The following GRM7 variants were observed in gnomAD, a reference collection of about 807,000 sequenced individuals.
GRM7 encodes glutamate metabotropic receptor 7.
In GRM7, 35 loss-of-function variants were observed where a neutral mutation model predicts 84.5. The ratio of observed to expected loss-of-function variants is 0.41; its 90% confidence interval spans 0.32 to 0.55. GRM7 has a LOEUF of 0.55. GRM7 is among the 20% of genes least tolerant of loss of function. GRM7 has a pLI of 0.19. For synonymous variants in GRM7, 487 were observed against 455.1 expected (o/e 1.07, Z -0.89); for missense variants, 1,003 against 1,194.6 (o/e 0.84, Z 2.36).
intron 1 of GRM7, among the ~76,000 whole-genome samples, chr3:6,874,444 A>T (rs916394508): frequency 6.6e-6 from 1 of 152,120 alleles, no homozygotes; most frequent in Non-Finnish European, 1.5e-5. Context: ...CACCATCATC[A>T]TTGCCATCCT....
At chr3:7,412,867 G>A (rs1443466644) in intron 4 of GRM7, among the ~76,000 whole-genome samples, 1 of 151,762 alleles carries the variant, frequency 6.6e-6, no homozygotes, top group Non-Finnish European at 1.5e-5. Flanking sequence ...TCTGGCCTTG[G>A]TGCCTTGGTT....
chr3:7,469,091 G>A (rs185023175), intron 7 of GRM7, among the ~76,000 whole-genome samples: 44 of 152,230 alleles, frequency 2.9e-4, no homozygotes, highest in African/African-American at 1.1e-3. Context: ...AATATTAAAA[G>A]GATAACTAGG....
chr3:6,963,733 T>A (rs1693392310), intron 1 of GRM7, among the ~76,000 whole-genome samples: 1 of 152,204 alleles, frequency 6.6e-6, no homozygotes, highest in Non-Finnish European at 1.5e-5. Flanking sequence ...ATTGGTAACA[T>A]TTTATTCCTT....
chr3:7,621,379 T>G (rs956678911), intron 8 of GRM7, among the ~76,000 whole-genome samples: 4 of 152,088 alleles, frequency 2.6e-5, no homozygotes, highest in African/African-American at 9.7e-5. Context: ...TGTGATATAT[T>G]AGTAGCAACA....
In GRM7 at chr3:7,325,692, G is replaced by T. The variant is rs137917905; in HGVS notation, c.1033+19040G>T. Reference sequence around the variant, plus strand: ...AAATGGTGTTGACATAACCATTCTGGTCAAAGGTAATTCATTTCAGAACAG... The same window carrying T: ...AAATGGTGTTGACATAACCATTCTGTTCAAAGGTAATTCATTTCAGAACAG... On this transcript the variant is annotated intron_variant, in intron 4 of 9. Coordinates refer to ENST00000357716, the MANE Select transcript of GRM7 (RefSeq NM_000844.4). 7.9e-5 allele frequency among the ~76,000 whole-genome samples: 12 copies of T among 152,210 alleles called. No individual in the cohort carries two copies. In the East Asian group the frequency reaches 2.3e-3, roughly 29 times the overall value.
chr3:7,313,073 C>T (rs112864731), intron 4 of GRM7, among the ~76,000 whole-genome samples: 44 of 151,930 alleles, frequency 2.9e-4, no homozygotes, highest in African/African-American at 7.7e-4. Context: ...GGATTACAGG[C>T]GCCTGCCACC....
chr3:7,464,227 A>G lies in GRM7; in HGVS notation c.1515+2505A>G, dbSNP rs79960950. Among the ~76,000 whole-genome samples, 868 of 137,664 alleles carry G rather than the reference A, an allele frequency of 6.3e-3. 8 individuals are homozygous for G. Among genetic ancestry groups the G allele is most frequent in the African/African-American group, 0.021 (818 of 38,892 alleles). The allele number at this position is 137,664 out of a possible 152,430, so 90.3% of individuals were successfully genotyped here. A position where few individuals can be genotyped will look rare whatever the true frequency, so the allele number is the denominator to read the frequency against. ...CTCAGGGACATGTGTGATAGTGAAG[A>G]TGAAGCCAAATGAATGGGATACATA... is the stretch of plus-strand genomic sequence containing the variant. On this transcript the variant is annotated intron_variant, in intron 7 of 9. Coordinates refer to ENST00000357716, the MANE Select transcript of GRM7 (RefSeq NM_000844.4).
chr3:7,048,729 G>A (rs1187916069), intron 1 of GRM7, among the ~76,000 whole-genome samples: 4 of 151,920 alleles, frequency 2.6e-5, no homozygotes, highest in Non-Finnish European at 4.4e-5. Flanking sequence ...CTTACTCTTT[G>A]TGGTACGAAC....
At chr3:7,733,010 A>T (rs1702382328) in intron 9 of GRM7, among the ~76,000 whole-genome samples, 1 of 152,152 alleles carries the variant, frequency 6.6e-6, no homozygotes, top group African/African-American at 2.4e-5. Context: ...TGGCTATGGC[A>T]TTTGTAAACT....
At chr3:7,204,557 A>G (rs577214424) in intron 2 of GRM7, among the ~76,000 whole-genome samples, 1 of 152,342 alleles carries the variant, frequency 6.6e-6, no homozygotes, top group Non-Finnish European at 1.5e-5. Flanking sequence ...GTTCTCCCTG[A>G]AGCACACAGC....
chr3:7,071,331 G>A (rs1697875571), intron 1 of GRM7, among the ~76,000 whole-genome samples: 1 of 152,120 alleles, frequency 6.6e-6, no homozygotes, highest in Admixed American at 6.6e-5. Context: ...TCTCTCAAAG[G>A]AACATCTGAG....
At position 6,976,659 on chromosome 3, in the gene GRM7, A is replaced by G. The variant is rs564821231; in HGVS notation, c.519+114752A>G. 1.4e-4 allele frequency among the ~76,000 whole-genome samples: 21 copies of G among 151,834 alleles called. 1 individual carries two copies. In the South Asian group the frequency reaches 3.1e-3, roughly 23 times the overall value. On this transcript the variant is annotated intron_variant, in intron 1 of 9. Transcript: ENST00000357716. Reference sequence around the variant, plus strand: ...GGAGCCTCCATCATGCTCACCACCTATTGTCTATTTACAGCCTAACTGAAA... The same window carrying G: ...GGAGCCTCCATCATGCTCACCACCTGTTGTCTATTTACAGCCTAACTGAAA...
intron 9 of GRM7, among the ~76,000 whole-genome samples, chr3:7,720,018 A>G (rs574991481): frequency 6.6e-6 from 1 of 152,288 alleles, no homozygotes; most frequent in South Asian, 2.1e-4. Flanking sequence ...GGTCATAATA[A>G]GAGTATATTC....
intron 1 of GRM7, among the ~76,000 whole-genome samples, chr3:7,017,851 CTGAA>C (rs1212572445): frequency 6.6e-6 from 1 of 152,188 alleles, no homozygotes; most frequent in East Asian, 1.9e-4. Context: ...TTAATGTTAA[CTGAA>C]TGAGCATAGT....
At chr3:7,027,133 GT>G (rs1279883714) in intron 1 of GRM7, among the ~76,000 whole-genome samples, 1 of 152,174 alleles carries the variant, frequency 6.6e-6, no homozygotes, top group Non-Finnish European at 1.5e-5. Context: ...TTTTTAATCT[GT>G]GAAAATCACA....
chr3:7,629,417 CAA>C (rs1229763005), intron 8 of GRM7, among the ~76,000 whole-genome samples: 1 of 152,152 alleles, frequency 6.6e-6, no homozygotes, highest in African/African-American at 2.4e-5. Flanking sequence ...TCCTGGCTTG[CAA>C]ATAGCTGCCT....
chr3:7,418,827 C>G (rs551983586), intron 5 of GRM7, among the ~76,000 whole-genome samples: 262 of 152,294 alleles, frequency 1.7e-3, no homozygotes, highest in Non-Finnish European at 2.6e-3. Flanking sequence ...TCAAAAAGAT[C>G]TAAGCTTCTG....
At chr3:7,690,617 G>A (rs1415688796) in intron 9 of GRM7, among the ~76,000 whole-genome samples, 3 of 152,080 alleles carry the variant, frequency 2.0e-5, no homozygotes, top group African/African-American at 7.2e-5. Flanking sequence ...CTTTTCTTGT[G>A]CTAAACCCAT....
chr3:7,667,140 A>T (rs2125129055), intron 8 of GRM7, among the ~76,000 whole-genome samples: 3 of 152,220 alleles, frequency 2.0e-5, no homozygotes, highest in East Asian at 3.9e-4. Flanking sequence ...GTGGTGGCAC[A>T]TGCCTGTAGT....
Sources: gnomAD v4.1 joint callset for allele counts (sites outside exome capture counted in the v4.1 genomes callset) on GRCh38, gnomAD v4.1.1 for gene constraint, MANE v1.5 for transcripts, NCBI Gene and HGNC (gene_info 2026-07-23, HGNC 2026-07-21) for gene names.